Variants in MAPK10 observed in about 807,000 individuals in gnomAD.
MAPK10 encodes JNK3 alpha protein kinase.
A neutral mutation model predicts 59.3 loss-of-function variants in MAPK10; 25 were observed. The observed-to-expected ratio is 0.42, with a 90% CI of 0.31 to 0.59. MAPK10 has a LOEUF of 0.59. Among genes scored for constraint, MAPK10 ranks in the 20% least tolerant of loss-of-function variants. The pLI is 0.15. For synonymous variants in MAPK10, 190 were observed against 200.5 expected (o/e 0.95, Z 0.44); for missense variants, 351 against 568.9 (o/e 0.62, Z 3.90).
At chr4:86,458,411 G>A (rs1453695602) in intron 1 of MAPK10, among the ~76,000 whole-genome samples, 2 of 151,634 alleles carry the variant, frequency 1.3e-5, no homozygotes, top group African/African-American at 4.8e-5. Flanking sequence ...TTGGTGAGCT[G>A]AGATCATGCC....
intron 1 of MAPK10, among the ~76,000 whole-genome samples, chr4:86,563,290 A>G (rs1760815690): frequency 6.6e-6 from 1 of 152,250 alleles, no homozygotes; most frequent in African/African-American, 2.4e-5. Flanking sequence ...GTTTACTTAC[A>G]GGAAACTTTT....
At position 86,090,086 on chromosome 4, in the gene MAPK10, A is replaced by G. The variant is rs555313564; in HGVS notation, c.802+8438T>C. Among the ~76,000 whole-genome samples the G allele has an allele frequency of 2.0e-5, 3 of 152,112 alleles. No homozygotes were observed. The South Asian group carries it at 6.2e-4, about 32-fold the overall frequency. On this transcript the variant is annotated intron_variant, in intron 9 of 13. Transcript: ENST00000641462. The stretch of plus-strand genomic sequence containing the variant: ...GAACTTAAAACCAGGAAGCCAGGGC[A>G]GAGCGCACAGAGGGAGGGGCAAAAT...
intron 4 of MAPK10, among the ~76,000 whole-genome samples, chr4:86,107,812 G>A (rs1035589270): frequency 3.3e-5 from 5 of 151,874 alleles, no homozygotes. Flanking sequence ...ATTGTTCTTT[G>A]TTTGTTTTAA....
At chr4:86,114,274 T>C (rs1252589949) in intron 4 of MAPK10, among the ~76,000 whole-genome samples, 3 of 152,192 alleles carry the variant, frequency 2.0e-5, no homozygotes, top group Non-Finnish European at 4.4e-5. Context: ...GGTGCTGCAA[T>C]CATTTGGAGG....
upstream of MAPK10, among the ~76,000 whole-genome samples, chr4:86,454,837 C>T (rs1751091533): frequency 6.6e-6 from 1 of 152,024 alleles, no homozygotes; most frequent in South Asian, 2.1e-4. Flanking sequence ...ATCAGGTTAT[C>T]TGAAGTCAAG....
At chr4:86,465,319 G>C (rs541879579) in intron 1 of MAPK10, among the ~76,000 whole-genome samples, 3 of 152,256 alleles carry the variant, frequency 2.0e-5, no homozygotes, top group Non-Finnish European at 4.4e-5. Flanking sequence ...GACTATACTA[G>C]CCAAGCTCTA....
At chr4:86,132,535 T>C (rs982851647) in intron 4 of MAPK10, among the ~76,000 whole-genome samples, 1 of 152,200 alleles carries the variant, frequency 6.6e-6, no homozygotes, top group Admixed American at 6.5e-5. Flanking sequence ...TGATCTTAAG[T>C]TCTATTCCAA....
intron 2 of MAPK10, among the ~76,000 whole-genome samples, chr4:86,301,088 G>T (rs1202684951): frequency 6.6e-6 from 1 of 151,998 alleles, no homozygotes; most frequent in Non-Finnish European, 1.5e-5. Flanking sequence ...TTGTAGGATG[G>T]TTCACAGTAT....
intron 2 of MAPK10, among the ~76,000 whole-genome samples, chr4:86,202,075 T>C (rs540993975): frequency 1.6e-4 from 25 of 152,130 alleles, no homozygotes; most frequent in African/African-American, 5.5e-4. Flanking sequence ...AAAGTTACTT[T>C]GTATTTACTC....
chr4:86,442,467 T>A (rs1749524974), intron 1 of MAPK10, among the ~76,000 whole-genome samples: 1 of 152,234 alleles, frequency 6.6e-6, no homozygotes, highest in Admixed American at 6.5e-5. Context: ...TACTTTGTTG[T>A]ATCTGCTTTA....
chr4:86,097,650 TA>T, intron 9 of MAPK10, among the ~76,000 whole-genome samples: 1 of 152,174 alleles, frequency 6.6e-6, no homozygotes, highest in South Asian at 2.1e-4. Context: ...TGTAGTAAGG[TA>T]TTTTTGTATT....
At chr4:86,044,510 C>T (rs112159276) in intron 11 of MAPK10, 187 of 377,728 alleles carry the variant, frequency 5.0e-4, no homozygotes, top group African/African-American at 3.6e-3. Flanking sequence ...TTTGTATAGA[C>T]GCAAAAGAAA....
chr4:86,543,776 G>A (rs146821703), intron 1 of MAPK10, among the ~76,000 whole-genome samples: 4 of 152,104 alleles, frequency 2.6e-5, no homozygotes, highest in Admixed American at 2.6e-4. Context: ...AAAAAAACAG[G>A]AACGGGAATG....
chr4:86,396,410 T>C (rs1213781227), intron 1 of MAPK10, among the ~76,000 whole-genome samples: 1 of 152,044 alleles, frequency 6.6e-6, no homozygotes, highest in African/African-American at 2.4e-5. Flanking sequence ...CCCAATACCA[T>C]AGCCACTAGC....
At chr4:86,423,156 G>A (rs1171616912) in intron 1 of MAPK10, among the ~76,000 whole-genome samples, 3 of 152,082 alleles carry the variant, frequency 2.0e-5, no homozygotes, top group Admixed American at 6.6e-5. Flanking sequence ...ATTACCTGGA[G>A]AAGCAATTAT....
At chr4:86,080,380 T>G (rs1422889036) in intron 9 of MAPK10, 1 of 151,508 alleles carries the variant, frequency 6.6e-6, no homozygotes, top group Non-Finnish European at 1.5e-5. Flanking sequence ...CACTGACAAC[T>G]CTTTATTTAC....
At chr4:86,258,965 C>G (rs1489289776) in intron 2 of MAPK10, among the ~76,000 whole-genome samples, 2 of 152,094 alleles carry the variant, frequency 1.3e-5, no homozygotes, top group Admixed American at 6.5e-5. Flanking sequence ...ATTTCGGTAG[C>G]ATATAAGCTA....
At chr4:86,486,258 C>T (rs1272991163) in intron 1 of MAPK10, among the ~76,000 whole-genome samples, 2 of 152,144 alleles carry the variant, frequency 1.3e-5, no homozygotes, top group African/African-American at 2.4e-5. Context: ...TGTGAATAGC[C>T]ACTGCACTCC....
upstream of MAPK10, among the ~76,000 whole-genome samples, chr4:86,454,030 C>T (rs555796049): frequency 5.9e-5 from 9 of 152,252 alleles, 1 homozygote; most frequent in South Asian, 1.7e-3. Flanking sequence ...CACTACAGCT[C>T]GGCTTTCAGG....
Sources: gnomAD v4.1 joint callset for allele counts (sites outside exome capture counted in the v4.1 genomes callset) on GRCh38, gnomAD v4.1.1 for gene constraint, MANE v1.5 for transcripts, NCBI Gene and HGNC (gene_info 2026-07-23, HGNC 2026-07-21) for gene names.